The following CR1 variants were observed in gnomAD, a reference collection of about 807,000 sequenced individuals.
CR1 encodes complement C3b/C4b receptor 1 (Knops blood group).
In CR1, 116 loss-of-function variants were observed where a neutral mutation model predicts 187.3. The observed-to-expected ratio is 0.62, with a 90% CI of 0.53 to 0.72. The LOEUF is 0.72. Ranked by LOEUF, CR1 falls within the 30% of genes least tolerant of loss-of-function variation. CR1 has a pLI of 0.00. For missense variants in CR1, 1,731 were observed against 2,110.7 expected, an observed-to-expected ratio of 0.82 and a Z score of 3.52; for synonymous variants, 576 against 747.1, an observed-to-expected ratio of 0.77 and a Z score of 3.73.
At chr1:207,585,610 T>C (rs924021427) in intron 33 of CR1, among the ~76,000 whole-genome samples, 3 of 152,196 alleles carry the variant, frequency 2.0e-5, no homozygotes. Context: ...CCTTGGAATA[T>C]TCCATTATCC....
chr1:207,520,545 C>T (rs562889859), intron 4 of CR1, among the ~76,000 whole-genome samples: 5 of 152,206 alleles, frequency 3.3e-5, no homozygotes, highest in Non-Finnish European at 7.3e-5. Flanking sequence ...GCTGACCAAC[C>T]TCTGTGTGAT....
chr1:207,565,924 G>A lies in CR1; in HGVS notation c.3952+1G>A, dbSNP rs764845752. 9.9e-6 allele frequency: 16 copies of A among 1,611,098 alleles called. 2 individuals are homozygous for A. The South Asian group carries it at 1.4e-4, about 14-fold the overall frequency. ...AATAGCAGTGTTCCAGTGTGTGAACGTGAGTAATAGGAGCAACATTTCAGG... is the reference window on the plus strand; with the variant it reads ...AATAGCAGTGTTCCAGTGTGTGAACATGAGTAATAGGAGCAACATTTCAGG... On this transcript the variant is annotated splice_donor_variant, in intron 24 of 46. Coordinates refer to ENST00000367049, the MANE Select transcript of CR1 (RefSeq NM_000651.6). LOFTEE classifies it high-confidence loss of function.
At chr1:207,582,714 G>T (rs1571557991) in intron 32 of CR1, among the ~76,000 whole-genome samples, 1 of 152,174 alleles carries the variant, frequency 6.6e-6, no homozygotes, top group Non-Finnish European at 1.5e-5. Context: ...GTGATGATGA[G>T]AAGTGATCAA....
intron 27 of CR1, among the ~76,000 whole-genome samples, chr1:207,573,508 T>A (rs1443123345): frequency 6.6e-6 from 1 of 151,760 alleles, no homozygotes; most frequent in Non-Finnish European, 1.5e-5. Flanking sequence ...ATTGAGCTTA[T>A]GAGAAGAAAC....
rs1379310347 is a variant in CR1, at chr1:207,566,760, C to T, written c.3952+837C>T. On this transcript the variant is annotated intron_variant, in intron 24 of 46. Transcript: ENST00000367049. Reference sequence around the variant, plus strand: ...GACTACTGATTTCTCCTAGTCTACCCATGTATAATTTCCCCAATGGAAGAT... The same window carrying T: ...GACTACTGATTTCTCCTAGTCTACCTATGTATAATTTCCCCAATGGAAGAT... 9.3e-5 allele frequency among the ~76,000 whole-genome samples: 14 copies of T among 150,324 alleles called. 2 individuals carry two copies. The highest frequency in any genetic ancestry group is 3.5e-4 in the African/African-American group (14 of 39,794).
chr1:207,515,233 ATATACATATACATATATAGGTATATACG>A, intron 4 of CR1, among the ~76,000 whole-genome samples: 1 of 146,808 alleles, frequency 6.8e-6, no homozygotes, highest in East Asian at 2.0e-4. Context: ...ATATACGTAT[ATATACATATACATATATAGGTATATACG>A]TATACGTATA....
In CR1 at chr1:207,575,200, T is replaced by TACACAC. The variant is rs1491420320; in HGVS notation, c.4452-394_4452-393insCACACA. Among the ~76,000 whole-genome samples the TACACAC allele has an allele frequency of 7.3e-5, 6 of 81,956 alleles. No individual in the cohort carries two copies. In the South Asian group the frequency reaches 3.9e-3, roughly 54 times the overall value. 53.8% of individuals were successfully genotyped at this position (81,956 alleles called of 152,430 possible). A position where few individuals can be genotyped will look rare whatever the true frequency, so the allele number is the denominator to read the frequency against. Reference sequence around the variant, plus strand: ...TGTCTCAAGTAAAATGACATAGTATTATACACACACACACACACACACACA... The same window carrying TACACAC: ...TGTCTCAAGTAAAATGACATAGTATTACACACATACACACACACACACACACACACA... On this transcript the variant is annotated intron_variant, in intron 27 of 46. Coordinates refer to ENST00000367049, the MANE Select transcript of CR1 (RefSeq NM_000651.6).
intron 3 of CR1, among the ~76,000 whole-genome samples, 177 bp from the exon 4 acceptor site, chr1:207,511,392 A>G (rs1659610950): frequency 1.3e-5 from 2 of 152,222 alleles, no homozygotes; most frequent in Admixed American, 1.3e-4. Context: ...ATGTATGAAA[A>G]AGAAAGTCAA....
At chr1:207,598,568 C>T (rs146190064) in intron 35 of CR1, among the ~76,000 whole-genome samples, 24 of 152,120 alleles carry the variant, frequency 1.6e-4, no homozygotes, top group Admixed American at 2.6e-4. Context: ...TACAGGCATG[C>T]GCCACCACGC....
chr1:207,606,615 C>T (rs1661758409), intron 35 of CR1: 2 of 152,220 alleles, frequency 1.3e-5, no homozygotes, highest in African/African-American at 4.8e-5. Flanking sequence ...TTCTTTGTGA[C>T]GTTGCTCACA....
chr1:207,611,107 G>C (rs958212854), intron 37 of CR1, among the ~76,000 whole-genome samples: 2 of 140,340 alleles, frequency 1.4e-5, no homozygotes, highest in African/African-American at 2.7e-5. Flanking sequence ...CCACGATTTT[G>C]TTCTTGATGC....
At position 207,525,633 on chromosome 1, in the gene CR1, G is replaced by T. The variant is rs1425912723; in HGVS notation, c.887-1120G>T. Among the ~76,000 whole-genome samples, 7 of 151,980 alleles carry T rather than the reference G, an allele frequency of 4.6e-5. No homozygotes were observed. The East Asian group carries it at 9.6e-4, about 21-fold the overall frequency. On this transcript the variant is annotated intron_variant, in intron 5 of 46. Coordinates refer to ENST00000367049, the MANE Select transcript of CR1 (RefSeq NM_000651.6). ...AATTTGGTATATATGCCTCCAATTG[G>T]CAGAACCTAACCAGAGCCCAGCTAT... is the stretch of plus-strand genomic sequence containing the variant.
At chr1:207,514,293 CT>C (rs958276052) in intron 4 of CR1, among the ~76,000 whole-genome samples, 8 of 151,574 alleles carry the variant, frequency 5.3e-5, no homozygotes, top group African/African-American at 1.7e-4. Flanking sequence ...TAAAAGTTAC[CT>C]TTTTAAATTA....
Position 207,567,976 on chromosome 1 carries a change from C to T in CR1, c.4105C>T (p.Arg1369Cys), listed in dbSNP as rs761231049. ...SFDLIGESTI[R>C]CTSDPQGNGV... ...CGACCTCATTGGAGAGAGCACCATC[C>T]GCTGCACAAGTGACCCTCAAGGGAA... The change falls in exon 25 of 47, where the codon CGC (arginine) becomes TGC (cysteine). Residue 1369 changes from arginine to cysteine, a missense_variant. Arg to Cys is a radical substitution (Grantham distance 180). Coordinates refer to ENST00000367049, the MANE Select transcript of CR1 (RefSeq NM_000651.6). 4.7e-5 allele frequency: 75 copies of T among 1,610,322 alleles called. 2 individuals carry two copies. Among genetic ancestry groups the T allele is most frequent in the East Asian group, 6.7e-5 (3 of 44,884 alleles).
rs780076848 is a variant in CR1, at chr1:207,496,414, G to A, written c.121+26G>A. On this transcript the variant is annotated intron_variant, in intron 1 of 46. Coordinates refer to ENST00000367049, the MANE Select transcript of CR1 (RefSeq NM_000651.6). ...GTGAGAGGCGGGCGGGCGTGGGGAGGCGCCCGGGCGGACGAGGAACCCGGG... is the reference window on the plus strand; with the variant it reads ...GTGAGAGGCGGGCGGGCGTGGGGAGACGCCCGGGCGGACGAGGAACCCGGG... 5.0e-6 allele frequency: 8 copies of A among 1,587,280 alleles called. No individual in the cohort carries two copies. The South Asian group carries it at 8.9e-5, about 18-fold the overall frequency.
chr1:207,507,907 A>T (rs536672725), intron 3 of CR1, among the ~76,000 whole-genome samples: 1 of 152,330 alleles, frequency 6.6e-6, no homozygotes, highest in East Asian at 1.9e-4. Flanking sequence ...AAGGGAATGG[A>T]TAAACTGTGG....
chr1:207,513,484 AC>A lies in CR1; in HGVS notation c.487+1831del, dbSNP rs1242912201. ...TGTCTTCTGAACCCTCTACTCCTGC[AC>A]TGTGCCTCACCAGCTCTATCCAAGG... On this transcript the variant is annotated intron_variant, in intron 4 of 46. Transcript: ENST00000367049. 2.0e-5 allele frequency among the ~76,000 whole-genome samples: 3 copies of A among 152,164 alleles called. No homozygotes were observed. In the East Asian group the frequency reaches 5.8e-4, roughly 29 times the overall value.
chr1:207,585,438 C>A (rs1169146812), intron 33 of CR1, among the ~76,000 whole-genome samples: 1 of 152,152 alleles, frequency 6.6e-6, no homozygotes, highest in Non-Finnish European at 1.5e-5. Flanking sequence ...AACTGTTCCA[C>A]TCAGGGGGTA....
At chr1:207,576,227 G>A (rs1306931639) in intron 28 of CR1, among the ~76,000 whole-genome samples, 2 of 152,202 alleles carry the variant, frequency 1.3e-5, no homozygotes, top group South Asian at 2.1e-4. Flanking sequence ...TTTAGTGATG[G>A]TGTGAGGAAA....
Sources: allele counts gnomAD v4.1 joint callset (sites outside exome capture counted in the v4.1 genomes callset), GRCh38; gene constraint gnomAD v4.1.1; transcripts MANE v1.5; gene names NCBI Gene and HGNC (gene_info 2026-07-23, HGNC 2026-07-21).